STAU1: variants seen among roughly 807,000 people sequenced by gnomAD.
STAU1 encodes double-stranded RNA-binding protein Staufen homolog 1.
In STAU1, 13 loss-of-function variants were observed where a neutral mutation model predicts 62.9. The ratio of observed to expected loss-of-function variants is 0.21; its 90% CI spans 0.13 to 0.33. STAU1 has a LOEUF of 0.33. STAU1 is among the 10% of genes least tolerant of loss of function. The probability of loss-of-function intolerance (pLI) is 1.00; values close to 1 mark genes in which losing one functional copy is unlikely to be tolerated. For missense variants in STAU1, 571 were observed against 712.1 expected, an observed-to-expected ratio of 0.80 and a Z score of 2.25; for synonymous variants, 269 against 265.1, an observed-to-expected ratio of 1.01 and a Z score of -0.14.
chr20:49,204,003 G>T, the STAU1 span, among the ~76,000 whole-genome samples: 1 of 152,042 alleles, frequency 6.6e-6, no homozygotes, highest in Non-Finnish European at 1.5e-5. Flanking sequence ...AGTTTTAAAA[G>T]ATATATTTAT....
chr20:49,128,052 G>A (rs6125560), intron 6 of STAU1, among the ~76,000 whole-genome samples: 1 of 151,986 alleles, frequency 6.6e-6, no homozygotes, highest in Non-Finnish European at 1.5e-5. Context: ...GGGAGGCTGA[G>A]GCAGGAGAAT....
intron 5 of STAU1, among the ~76,000 whole-genome samples, chr20:49,139,909 C>G (rs879275741): frequency 1.3e-5 from 2 of 151,048 alleles, no homozygotes; most frequent in Non-Finnish European, 3.0e-5. Flanking sequence ...ATGGGCAGTG[C>G]GTGCGGTGGC....
intron 6 of STAU1, among the ~76,000 whole-genome samples, chr20:49,126,574 C>CAAAAAAAAAA (rs58056780): frequency 4.0e-5 from 1 of 25,058 alleles, no homozygotes; most frequent in African/African-American, 1.4e-4. Context: ...TCTCAAAAAG[C>CAAAAAAAAAA]AAAAAAAAAA....
chr20:49,115,583 G>T (rs2092300525), intron 13 of STAU1, among the ~76,000 whole-genome samples, 199 bp downstream of exon 13: 1 of 152,288 alleles, frequency 6.6e-6, no homozygotes, highest in African/African-American at 2.4e-5. Flanking sequence ...TTACAGGTGT[G>T]AGCCGCTGTT....
At chr20:49,156,124 C>G (rs1238098925) in intron 3 of STAU1, among the ~76,000 whole-genome samples, 1 of 152,128 alleles carries the variant, frequency 6.6e-6, no homozygotes, top group Non-Finnish European at 1.5e-5. Context: ...AAGAGACATA[C>G]AACTGGCAAT....
At chr20:49,207,096 T>C in the STAU1 span, among the ~76,000 whole-genome samples, 1 of 152,068 alleles carries the variant, frequency 6.6e-6, no homozygotes, top group African/African-American at 2.4e-5. Context: ...CGGTGGTGCA[T>C]GTACCTGTAG....
At chr20:49,169,395 T>C (rs1013814676) in intron 2 of STAU1, among the ~76,000 whole-genome samples, 6 of 152,222 alleles carry the variant, frequency 3.9e-5, no homozygotes, top group African/African-American at 9.6e-5. Context: ...GATATAGATA[T>C]AGTTCATAGC....
At chr20:49,137,827 G>A (rs897670936) in intron 5 of STAU1, among the ~76,000 whole-genome samples, 11 of 129,864 alleles carry the variant, frequency 8.5e-5, no homozygotes, top group Admixed American at 1.6e-4. Context: ...CACCACACCC[G>A]GCTAATTTTT....
intron 6 of STAU1, among the ~76,000 whole-genome samples, chr20:49,126,718 T>C (rs918340319): frequency 3.3e-5 from 5 of 151,846 alleles, no homozygotes; most frequent in African/African-American, 1.2e-4. Context: ...TATGGTTTTG[T>C]GTAAGGATAA....
upstream of STAU1, among the ~76,000 whole-genome samples, chr20:49,189,866 A>C (rs1042961285): frequency 1.3e-5 from 2 of 152,114 alleles, no homozygotes; most frequent in African/African-American, 2.4e-5. Context: ...TCAAAATACG[A>C]GCTGCTGTGT....
intron 3 of STAU1, among the ~76,000 whole-genome samples, chr20:49,158,178 A>G (rs958890765): frequency 6.6e-6 from 1 of 152,056 alleles, no homozygotes; most frequent in African/African-American, 2.4e-5. Flanking sequence ...GCTACTCAGG[A>G]GGCTGAGGCA....
chr20:49,159,107 T>C, intron 3 of STAU1: 2 of 1,127,672 alleles, frequency 1.8e-6, no homozygotes, highest in Non-Finnish European at 2.2e-6. Context: ...CTGGGTCATC[T>C]TGGTGATTGT....
At chr20:49,136,918 G>A (rs1418353775) in intron 5 of STAU1, among the ~76,000 whole-genome samples, 1 of 152,106 alleles carries the variant, frequency 6.6e-6, no homozygotes, top group Non-Finnish European at 1.5e-5. Context: ...GGCTGGTCTC[G>A]AACTCCTGAC....
At chr20:49,187,350 C>T (rs2093800529) in intron 1 of STAU1, among the ~76,000 whole-genome samples, 1 of 152,156 alleles carries the variant, frequency 6.6e-6, no homozygotes, top group African/African-American at 2.4e-5. Context: ...ATTAAGCGTA[C>T]GCCCCTTTCA....
intron 2 of STAU1, among the ~76,000 whole-genome samples, chr20:49,168,876 G>T (rs2146423859): frequency 6.6e-6 from 1 of 151,854 alleles, no homozygotes; most frequent in East Asian, 1.9e-4. Context: ...TCTTACTAAT[G>T]TAACAAGTAG....
chr20:49,218,582 G>T, the STAU1 span, among the ~76,000 whole-genome samples: 3 of 151,974 alleles, frequency 2.0e-5, no homozygotes, highest in African/African-American at 7.3e-5. Flanking sequence ...AACATGATGG[G>T]GTCTTGTCAT....
chr20:49,204,616 ATATATATG>A, the STAU1 span, among the ~76,000 whole-genome samples: 32 of 42,174 alleles, frequency 7.6e-4, no homozygotes, highest in South Asian at 2.2e-3. Context: ...ATATATATAT[ATATATATG>A]TGTATATATA....
At chr20:49,212,358 C>G in the STAU1 span, among the ~76,000 whole-genome samples, 23 of 152,052 alleles carry the variant, frequency 1.5e-4, no homozygotes, top group Non-Finnish European at 2.8e-4. Flanking sequence ...ATTTTTCTAG[C>G]TTTATTGAGG....
chr20:49,208,050 T>TTTTGTTTGTTTG, the STAU1 span, among the ~76,000 whole-genome samples: 8 of 151,568 alleles, frequency 5.3e-5, no homozygotes, highest in Non-Finnish European at 8.8e-5. Flanking sequence ...CCAGCTAATT[T>TTTTGTTTGTTTG]TTTGTTTGTT....
Sources: allele counts gnomAD v4.1 joint callset (sites outside exome capture counted in the v4.1 genomes callset), GRCh38; gene constraint gnomAD v4.1.1; transcripts MANE v1.5; gene names NCBI Gene and HGNC (gene_info 2026-07-23, HGNC 2026-07-21).